INSL3: variants seen among roughly 807,000 people sequenced by gnomAD.
INSL3 encodes the protein insulin-like 3.
Under a neutral mutation model 5.5 loss-of-function variants are expected in INSL3, and 6 were observed. The observed-to-expected ratio is 1.08, with a 90% confidence interval of 0.59 to 2.14. The LOEUF is 2.14. Among genes scored for constraint, INSL3 ranks in the 30% most tolerant of loss-of-function variants. The pLI, the probability that INSL3 is intolerant of heterozygous loss-of-function variation, is 0.00. For missense variants in INSL3, 178 were observed against 184.7 expected (o/e 0.96, Z 0.21); for synonymous variants, 86 against 82.1 (o/e 1.05, Z -0.26).
intron 1 of INSL3, among the ~76,000 whole-genome samples, chr19:17,818,686 G>GA (rs1028442051): frequency 3.1e-4 from 47 of 152,078 alleles, no homozygotes; most frequent in African/African-American, 1.1e-3. Context: ...GTTTACAATT[G>GA]ACACCAGTGG....
intron 1 of INSL3, chr19:17,820,398 C>A (rs762358072): frequency 7.3e-6 from 3 of 409,426 alleles, no homozygotes; most frequent in South Asian, 5.2e-5. Context: ...TGACTCACAT[C>A]GCTAATCCCA....
intron 1 of INSL3, among the ~76,000 whole-genome samples, chr19:17,818,040 C>A (rs577219529): frequency 1.6e-3 from 240 of 152,078 alleles, no homozygotes; most frequent in African/African-American, 5.6e-3. Flanking sequence ...AGGTCAGAGA[C>A]CCACCCACAG....
Position 17,821,368 on chromosome 19 carries a change from C to T in INSL3, c.139G>A (p.Gly47Arg), listed in dbSNP as rs949147993. The T allele has an allele frequency of 1.9e-5, 29 of 1,548,600 alleles. No individual in the cohort carries two copies. The highest frequency in any genetic ancestry group is 2.4e-5 in the Non-Finnish European group (27 of 1,146,458). The change falls in exon 1 of 2, where the codon GGG becomes AGG. Residue 47 changes from glycine (G) to arginine (R), a missense_variant. Coordinates refer to ENST00000317306, the MANE Select transcript of INSL3 (RefSeq NM_005543.4). ...GCTTCGGTGGACCAGCGGGGGCCCC[C>T]GCACACGCGCACTAGCGCGCGTACG... ...HFVRALVRVC[G>R]GPRWSTEARR...
At chr19:17,819,790 C>T (rs1397771541) in intron 1 of INSL3, among the ~76,000 whole-genome samples, 2 of 151,378 alleles carry the variant, frequency 1.3e-5, no homozygotes, top group Non-Finnish European at 2.9e-5. Flanking sequence ...TGCAGTGAGC[C>T]GAGATCACAC....
chr19:17,820,097 C>T (rs566085751), intron 1 of INSL3, among the ~76,000 whole-genome samples: 3 of 151,848 alleles, frequency 2.0e-5, no homozygotes, highest in Admixed American at 1.3e-4. Context: ...GGTGACAGAG[C>T]GAGACTCCAT....
chr19:17,817,820 C>CAAAAAAAAAT (rs1568395411), intron 1 of INSL3, among the ~76,000 whole-genome samples: 3 of 102,200 alleles, frequency 2.9e-5, no homozygotes, highest in Non-Finnish European at 3.9e-5. Context: ...AAAAAAAAAG[C>CAAAAAAAAAT]GAGCACTTAT....
intron 1 of INSL3, among the ~76,000 whole-genome samples, chr19:17,819,023 C>T (rs1032618557): frequency 1.3e-5 from 2 of 150,978 alleles, no homozygotes; most frequent in African/African-American, 2.4e-5. Flanking sequence ...TACAGGTGTG[C>T]GCCACAACGC....
At chr19:17,817,530 A>G (rs1212494063) in intron 1 of INSL3, among the ~76,000 whole-genome samples, 2 of 148,224 alleles carry the variant, frequency 1.3e-5, no homozygotes, top group Non-Finnish European at 3.0e-5. Flanking sequence ...TCAGTGGCTC[A>G]CGCCTGTAAT....
At position 17,817,148 on chromosome 19, in the gene INSL3, C is replaced by A. The variant is rs578232514; in HGVS notation, c.191-89G>T. The A allele has an allele frequency of 4.8e-6, 6 of 1,258,268 alleles. No homozygotes were observed. In the African/African-American group the frequency reaches 8.9e-5, roughly 19 times the overall value. 77.9% of individuals were successfully genotyped at this position (1,258,268 alleles called of 1,614,324 possible). Reference sequence around the variant, plus strand: ...TGTGCACGAATCCACACACATCCCACTGAGTAACCCACCAAACACTCATGC... The same window carrying A: ...TGTGCACGAATCCACACACATCCCAATGAGTAACCCACCAAACACTCATGC... On this transcript the variant is annotated intron_variant, in intron 1 of 1. Transcript: ENST00000317306.
Position 17,817,401 on chromosome 19 carries a change from C to T in INSL3, c.191-342G>A, listed in dbSNP as rs1317047920. Among the ~76,000 whole-genome samples the T allele has an allele frequency of 4.0e-5, 6 of 149,202 alleles. No homozygotes were observed. In the South Asian group the frequency reaches 6.3e-4, roughly 16 times the overall value. ...TCAGGAGGCTGAGGCAGGAGAATGA[C>T]GTGAACCCAGGAGGCAGAGCTTGCA... On this transcript the variant is annotated intron_variant, in intron 1 of 1. Coordinates refer to ENST00000317306, the MANE Select transcript of INSL3 (RefSeq NM_005543.4).
intron 1 of INSL3, among the ~76,000 whole-genome samples, chr19:17,818,533 T>A (rs2094191104): frequency 6.6e-6 from 1 of 152,010 alleles, no homozygotes; most frequent in African/African-American, 2.4e-5. Context: ...GGAGGATCGC[T>A]TGAGCCTGGG....
At chr19:17,819,236 AATAT>A (rs935714778) in intron 1 of INSL3, among the ~76,000 whole-genome samples, 104 of 147,870 alleles carry the variant, frequency 7.0e-4, no homozygotes, top group African/African-American at 2.4e-3. Flanking sequence ...CCTGTCTCAA[AATAT>A]ATATATATAA....
intron 1 of INSL3, chr19:17,820,468 G>A (rs529657462): frequency 4.1e-5 from 14 of 337,396 alleles, no homozygotes; most frequent in African/African-American, 3.0e-4. Flanking sequence ...GACCAGCCTG[G>A]GAAACAGAGT....
At chr19:17,820,982 T>G (rs895320023) in intron 1 of INSL3, among the ~76,000 whole-genome samples, 1 of 151,978 alleles carries the variant, frequency 6.6e-6, no homozygotes, top group Non-Finnish European at 1.5e-5. Flanking sequence ...CCCGGCTAAT[T>G]TTTTTAAAAA....
At chr19:17,819,415 G>T (rs192286696) in intron 1 of INSL3, among the ~76,000 whole-genome samples, 41 of 152,012 alleles carry the variant, frequency 2.7e-4, no homozygotes, top group Admixed American at 1.3e-3. Context: ...ATCCAGCAAG[G>T]TAAGTATTTT....
intron 1 of INSL3, 131 bp downstream of exon 1, chr19:17,821,186 C>T (rs796264132): frequency 6.4e-6 from 7 of 1,087,294 alleles, no homozygotes; most frequent in South Asian, 2.7e-5. Flanking sequence ...GATCTGTGCA[C>T]GCAGCCGGCA....
In INSL3 at chr19:17,816,878, G is replaced by C. The variant is rs200693684; in HGVS notation, c.372C>G (p.Asp124Glu). Residue 124 changes from aspartate (D) to glutamate (E), a missense_variant, in exon 2 of 2, where the codon GAC (aspartate) becomes GAG (glutamate). Transcript: ENST00000317306. ...YCCLSGCTQQDLLTLCPY is the reference protein window; with the variant it reads ...YCCLSGCTQQELLTLCPY ...ATCAGTAGGGACAGAGGGTCAGCAG[G>C]TCTTGTTGGGTACAGCCACTGAGGC... 147 of 1,613,886 alleles carry C rather than the reference G, an allele frequency of 9.1e-5. No homozygotes were observed. In the East Asian group the frequency reaches 2.5e-3, roughly 27 times the overall value.
chr19:17,817,883 C>T (rs2094190254), intron 1 of INSL3, among the ~76,000 whole-genome samples: 1 of 150,550 alleles, frequency 6.6e-6, no homozygotes, highest in Admixed American at 6.6e-5. Context: ...CCACTCAACT[C>T]ATGTCCACAC....
At chr19:17,817,795 C>CAAA (rs58956953) in intron 1 of INSL3, among the ~76,000 whole-genome samples, 760 of 40,158 alleles carry the variant, frequency 0.019, 127 homozygotes, top group African/African-American at 0.053. Flanking sequence ...AACTCCATCT[C>CAAA]AAAAAAAAAA....
Sources: gnomAD v4.1 joint callset for allele counts (sites outside exome capture counted in the v4.1 genomes callset) on GRCh38, gnomAD v4.1.1 for gene constraint, MANE v1.5 for transcripts, NCBI Gene and HGNC (gene_info 2026-07-23, HGNC 2026-07-21) for gene names.